The following GCA variants were observed in gnomAD, a reference collection of about 807,000 sequenced individuals.
The protein encoded by GCA is grancalcin, EF-hand calcium-binding protein.
Under a neutral mutation model 32.6 loss-of-function variants are expected in GCA, and 30 were observed. That is an observed-to-expected ratio of 0.92 (90% CI 0.69 to 1.25). GCA has a LOEUF of 1.25. Among genes scored for constraint, GCA ranks in the 50% most tolerant of loss-of-function variants. GCA has a pLI of 0.00. For missense variants in GCA, 291 were observed against 266.8 expected (o/e 1.09, Z -0.63); for synonymous variants, 102 against 84.6 (o/e 1.21, Z -1.13).
At chr2:162,365,578 C>T (rs2105367403), downstream of GCA, among the ~76,000 whole-genome samples, 1 of 151,750 alleles carries the variant, frequency 6.6e-6, no homozygotes, top group South Asian at 2.1e-4. Flanking sequence ...TACTACTTAG[C>T]CAGATGTAAG....
chr2:162,364,612 T>C (rs1381565642), downstream of GCA, among the ~76,000 whole-genome samples: 2 of 151,566 alleles, frequency 1.3e-5, no homozygotes, highest in African/African-American at 4.8e-5. Context: ...TTGGGAAATC[T>C]AAGCCACTAA....
Position 162,360,385 on chromosome 2 carries a change from A to G in GCA, c.*142A>G. 2 of 1,359,540 alleles carry G rather than the reference A, an allele frequency of 1.5e-6. No individual in the cohort carries two copies. Among genetic ancestry groups the G allele is most frequent in the East Asian group, 5.7e-5 (2 of 34,998 alleles). The allele number at this position is 1,359,540 out of a possible 1,614,324, so 84.2% of individuals were successfully genotyped here. A position where few individuals can be genotyped will look rare whatever the true frequency, so the allele number is the denominator to read the frequency against. Reference sequence around the variant, plus strand: ...TTCCCTTTCTGTGTGTTTTTATTTTAGCAGATAGTTCAAAGCAATAAAAGA... The same window carrying G: ...TTCCCTTTCTGTGTGTTTTTATTTTGGCAGATAGTTCAAAGCAATAAAAGA... On this transcript the variant is annotated 3_prime_UTR_variant, in exon 8 of 8. Transcript: ENST00000437150.
intron 4 of GCA, among the ~76,000 whole-genome samples, chr2:162,370,018 T>C (rs998603946): frequency 6.6e-6 from 1 of 152,172 alleles, no homozygotes; most frequent in Non-Finnish European, 1.5e-5. Flanking sequence ...TTTCAAAAAT[T>C]AAGCAGGAAT....
downstream of GCA, among the ~76,000 whole-genome samples, chr2:162,364,319 G>T (rs993837876): frequency 1.1e-4 from 16 of 151,242 alleles, no homozygotes; most frequent in Admixed American, 4.0e-4. Context: ...TCATTTTTTT[G>T]AAAATAATAA....
upstream of GCA, among the ~76,000 whole-genome samples, chr2:162,340,878 C>T (rs1684420993): frequency 6.6e-6 from 1 of 152,144 alleles, no homozygotes; most frequent in Admixed American, 6.5e-5. Context: ...TAAGTTTTTG[C>T]TCAAATCTTG....
chr2:162,375,063 A>G (rs879142728), downstream of GCA, among the ~76,000 whole-genome samples: 1 of 152,128 alleles, frequency 6.6e-6, no homozygotes, highest in Non-Finnish European at 1.5e-5. Flanking sequence ...CCCAGCTTAT[A>G]TGTTATCTGT....
chr2:162,370,665 C>T (rs369010601), intron 4 of GCA, among the ~76,000 whole-genome samples: 4 of 152,058 alleles, frequency 2.6e-5, no homozygotes, highest in Admixed American at 6.6e-5. Flanking sequence ...ATTGCTTTCC[C>T]GCAGCTGCAA....
Position 162,356,892 on chromosome 2 carries a change from C to A in GCA, c.441C>A (p.Ala147=). 2 of 1,605,976 alleles carry A rather than the reference C, an allele frequency of 1.2e-6. No homozygotes were observed. Among genetic ancestry groups the A allele is most frequent in the Non-Finnish European group, 8.5e-7 (1 of 1,174,572 alleles). Residue 147 remains alanine, a synonymous_variant, in exon 5 of 8, where the codon GCC becomes GCA. Coordinates refer to ENST00000437150, the MANE Select transcript of GCA (RefSeq NM_012198.5). ...GTVEHHELRQ[A]IGLMGYRLSP... ...TAGAACATCATGAGTTGCGTCAAGCCATTGGTCTTATGGGTAAGAACATTA... is the reference window on the plus strand; with the variant it reads ...TAGAACATCATGAGTTGCGTCAAGCAATTGGTCTTATGGGTAAGAACATTA...
At chr2:162,353,205 C>T (rs913153152) in intron 3 of GCA, among the ~76,000 whole-genome samples, 1 of 152,118 alleles carries the variant, frequency 6.6e-6, no homozygotes, top group Non-Finnish European at 1.5e-5. Flanking sequence ...CGCCGTGGCT[C>T]ATGCCTGCAA....
At chr2:162,347,924 G>A (rs1199449108) in intron 2 of GCA, among the ~76,000 whole-genome samples, 182 bp downstream of exon 2, 1 of 152,034 alleles carries the variant, frequency 6.6e-6, no homozygotes, top group East Asian at 1.9e-4. Flanking sequence ...AAAGTCTGTT[G>A]ATGTGATGCT....
At chr2:162,358,016 A>G (rs368470413) in intron 5 of GCA, among the ~76,000 whole-genome samples, 2 of 151,634 alleles carry the variant, frequency 1.3e-5, no homozygotes, top group East Asian at 3.9e-4. Flanking sequence ...ATTAGTTTGC[A>G]TGTTTTACTG....
At chr2:162,330,658 G>A (rs549458600) in intron 1 of GCA, among the ~76,000 whole-genome samples, 3 of 152,272 alleles carry the variant, frequency 2.0e-5, no homozygotes, top group African/African-American at 4.8e-5. Flanking sequence ...CAGTCTCCAT[G>A]GTTAGAACTT....
intron 4 of GCA, chr2:162,371,259 T>G: frequency 9.8e-7 from 1 of 1,018,186 alleles, no homozygotes; most frequent in Non-Finnish European, 1.3e-6. Context: ...TATGGCTTCC[T>G]ATACTGTCAG....
downstream of GCA, among the ~76,000 whole-genome samples, chr2:162,364,085 C>T (rs1002586027): frequency 6.6e-5 from 10 of 151,460 alleles, no homozygotes; most frequent in African/African-American, 2.4e-4. Flanking sequence ...TTTGGGAACA[C>T]TTAGGAGTGA....
intron 1 of GCA, among the ~76,000 whole-genome samples, chr2:162,333,271 T>C (rs1170323406): frequency 6.6e-6 from 1 of 152,128 alleles, no homozygotes; most frequent in Non-Finnish European, 1.5e-5. Flanking sequence ...GTAAAGCCAG[T>C]AACGAAGAGA....
At chr2:162,368,640 GTAAGCAATTCT>G (rs1685830916) in intron 4 of GCA, among the ~76,000 whole-genome samples, 1 of 151,970 alleles carries the variant, frequency 6.6e-6, no homozygotes, top group South Asian at 2.1e-4. Flanking sequence ...AAAGGACCTT[GTAAGCAATTCT>G]TACACAAACA....
rs78593965 is a variant in GCA at position 162,351,790 on chromosome 2, T to C, written c.193-548T>C. Among the ~76,000 whole-genome samples, 709 of 152,298 alleles carry C rather than the reference T, an allele frequency of 4.7e-3. 1 individual carries two copies. The highest frequency in any genetic ancestry group is 9.5e-3 in the Admixed American group (145 of 15,294). ...CCTATTTCATTTCCATTGTGATTTC[T>C]TGTTTGCATTTTAAAACTTTATTTT... On this transcript the variant is annotated intron_variant, in intron 2 of 7. Coordinates refer to ENST00000437150, the MANE Select transcript of GCA (RefSeq NM_012198.5).
upstream of GCA, among the ~76,000 whole-genome samples, chr2:162,340,238 A>C (rs895508188): frequency 1.3e-5 from 2 of 152,162 alleles, no homozygotes; most frequent in Non-Finnish European, 2.9e-5. Context: ...CACTCTAGGC[A>C]ACCTCTTAGA....
At chr2:162,327,786 T>G (rs1346755313) in intron 1 of GCA, among the ~76,000 whole-genome samples, 1 of 152,228 alleles carries the variant, frequency 6.6e-6, no homozygotes, top group East Asian at 1.9e-4. Flanking sequence ...GGCCAAATAC[T>G]CATTTTACTT....
Sources: allele counts gnomAD v4.1 joint callset (sites outside exome capture counted in the v4.1 genomes callset), GRCh38; gene constraint gnomAD v4.1.1; transcripts MANE v1.5; gene names NCBI Gene and HGNC (gene_info 2026-07-23, HGNC 2026-07-21).